The following EFCAB6 variants were observed in gnomAD, a reference collection of about 807,000 sequenced individuals.
The protein encoded by EFCAB6 is EF-hand calcium binding domain 6, also known as EF-hand calcium-binding domain-containing protein 6.
In EFCAB6, 156 loss-of-function variants were observed where a neutral mutation model predicts 169.8. That is an observed-to-expected ratio of 0.92 (90% CI 0.81 to 1.05). The LOEUF is 1.05. Ranked by LOEUF, EFCAB6 falls within the 50% of genes least tolerant of loss-of-function variation. The pLI, the probability that EFCAB6 is intolerant of heterozygous loss-of-function variation, is 0.00. For missense variants in EFCAB6, 1,800 were observed against 1,829.1 expected, an observed-to-expected ratio of 0.98 and a Z score of 0.29; for synonymous variants, 698 against 676.4, an observed-to-expected ratio of 1.03 and a Z score of -0.50.
chr22:43,671,921 A>T, intron 15 of EFCAB6, 52 bp downstream of exon 15: 4 of 1,431,276 alleles, frequency 2.8e-6, no homozygotes, highest in Non-Finnish European at 3.9e-6. Context: ...GAATTATGGA[A>T]CAGGCCTGAT....
chr22:43,776,906 G>T (rs1032647515), intron 3 of EFCAB6, among the ~76,000 whole-genome samples: 2 of 152,154 alleles, frequency 1.3e-5, no homozygotes, highest in African/African-American at 4.8e-5. Context: ...ATGTGTTCTG[G>T]CTGCTATGTA....
In EFCAB6 at chr22:43,671,972, C is replaced by T. The variant is rs754525579; in HGVS notation, c.1640+1G>A. ...AATTAATTTTGTTACAAAAAACTTA[C>T]TTTATGAAATGTGCATTCGTTAAAA... On this transcript the variant is annotated splice_donor_variant, in intron 15 of 31. Coordinates refer to ENST00000262726, the MANE Select transcript of EFCAB6 (RefSeq NM_022785.4). LOFTEE classifies it high-confidence loss of function. The T allele has an allele frequency of 3.1e-6, 5 of 1,611,226 alleles. No homozygotes were observed. Among genetic ancestry groups the T allele is most frequent in the Non-Finnish European group, 4.2e-6 (5 of 1,179,260 alleles).
chr22:43,677,856 C>T (rs2057832480), intron 13 of EFCAB6, 140 bp downstream of exon 13: 3 of 819,072 alleles, frequency 3.7e-6, no homozygotes, highest in African/African-American at 1.7e-5. Context: ...AAACACTTGA[C>T]CCTCACTTAA....
intron 17 of EFCAB6, among the ~76,000 whole-genome samples, chr22:43,654,504 G>A (rs750569361): frequency 2.0e-5 from 3 of 152,258 alleles, no homozygotes; most frequent in Admixed American, 2.0e-4. Context: ...AAGGGCACCC[G>A]CCTCTGCGGT....
At chr22:43,804,961 T>C (rs1603393095) in intron 2 of EFCAB6, among the ~76,000 whole-genome samples, 2 of 152,130 alleles carry the variant, frequency 1.3e-5, no homozygotes, top group Non-Finnish European at 2.9e-5. Flanking sequence ...TGATCTTATA[T>C]TTAGAAAAAA....
chr22:43,728,755 GGTT>G (rs1012053526), intron 8 of EFCAB6, among the ~76,000 whole-genome samples: 17 of 151,992 alleles, frequency 1.1e-4, no homozygotes, highest in African/African-American at 4.1e-4. Context: ...TTTTTGATGG[GGTT>G]GTTTTCTTCT....
chr22:43,671,014 C>G (rs1377110129), intron 15 of EFCAB6, among the ~76,000 whole-genome samples: 2 of 152,188 alleles, frequency 1.3e-5, no homozygotes, highest in Admixed American at 6.5e-5. Flanking sequence ...GAAATAGAGG[C>G]TCAGAGAGGT....
At chr22:43,787,125 C>G (rs1323793234) in intron 2 of EFCAB6, among the ~76,000 whole-genome samples, 1 of 152,022 alleles carries the variant, frequency 6.6e-6, no homozygotes. Flanking sequence ...TGGTGAATGA[C>G]CAAAAGTTTT....
chr22:43,770,018 C>G (rs2061421844), intron 4 of EFCAB6, among the ~76,000 whole-genome samples: 1 of 152,084 alleles, frequency 6.6e-6, no homozygotes, highest in Admixed American at 6.5e-5. Context: ...CCATGTCCAT[C>G]TAATTTTTTT....
intron 26 of EFCAB6, among the ~76,000 whole-genome samples, chr22:43,556,571 C>T (rs972595774): frequency 6.6e-6 from 1 of 152,318 alleles, no homozygotes; most frequent in South Asian, 2.1e-4. Context: ...AACCCCTCAA[C>T]TCCTATTAAA....
chr22:43,716,975 G>C lies in EFCAB6; in HGVS notation c.758-3C>G, dbSNP rs2059353239. ...TTGTTGATTCTCCAACGAGACCTCT[G>C]TTGAAACAAAATAGCTTCGGCTTAT... On this transcript the variant is annotated splice_region_variant and splice_polypyrimidine_tract_variant and intron_variant, in intron 8 of 31. Transcript: ENST00000262726. 1.3e-6 allele frequency: 2 copies of C among 1,514,928 alleles called. No individual in the cohort carries two copies. 93.8% of individuals were successfully genotyped at this position (1,514,928 alleles called of 1,614,324 possible). A position where few individuals can be genotyped will look rare whatever the true frequency, so the allele number is the denominator to read the frequency against.
intron 26 of EFCAB6, among the ~76,000 whole-genome samples, chr22:43,560,492 T>C (rs545462753): frequency 6.6e-6 from 1 of 152,236 alleles, no homozygotes; most frequent in East Asian, 1.9e-4. Context: ...ATAAAAGTGT[T>C]AGAGAACAGT....
intron 6 of EFCAB6, among the ~76,000 whole-genome samples, chr22:43,739,263 C>T (rs2060279572): frequency 2.6e-5 from 4 of 152,254 alleles, no homozygotes; most frequent in Admixed American, 2.6e-4. Context: ...TCCCAGCAGC[C>T]GCCTTTGACA....
At chr22:43,749,953 G>C (rs544373425) in intron 6 of EFCAB6, among the ~76,000 whole-genome samples, 5 of 152,232 alleles carry the variant, frequency 3.3e-5, no homozygotes, top group African/African-American at 1.2e-4. Context: ...TCTCGAAAGA[G>C]GCAAGACTAG....
chr22:43,760,086 C>A (rs775376839), intron 5 of EFCAB6, among the ~76,000 whole-genome samples: 7 of 151,868 alleles, frequency 4.6e-5, no homozygotes, highest in Non-Finnish European at 1.0e-4. Flanking sequence ...CACCTGTAAT[C>A]CCAGCTACTT....
chr22:43,665,040 G>C lies in EFCAB6; in HGVS notation c.1983+2064C>G, dbSNP rs150378974. Among the ~76,000 whole-genome samples, 1,140 of 152,270 alleles carry C rather than the reference G, an allele frequency of 7.5e-3. 2 individuals carry two copies. Among genetic ancestry groups the C allele is most frequent in the Non-Finnish European group, 0.012 (791 of 68,026 alleles). ...GTTGGTGAATTGGATGTGGGTACAAGAGGAAGAGGAGACTCAGTAAAGATG... is the reference window on the plus strand; with the variant it reads ...GTTGGTGAATTGGATGTGGGTACAACAGGAAGAGGAGACTCAGTAAAGATG... On this transcript the variant is annotated intron_variant, in intron 17 of 31. Coordinates refer to ENST00000262726, the MANE Select transcript of EFCAB6 (RefSeq NM_022785.4).
chr22:43,772,581 C>T (rs1455419710), intron 4 of EFCAB6, among the ~76,000 whole-genome samples: 2 of 148,012 alleles, frequency 1.4e-5, no homozygotes, highest in South Asian at 2.1e-4. Flanking sequence ...GCGGAGGTTG[C>T]GGTGAGCCAA....
At chr22:43,775,110 G>T (rs1016333384) in intron 3 of EFCAB6, among the ~76,000 whole-genome samples, 7 of 151,994 alleles carry the variant, frequency 4.6e-5, no homozygotes, top group Non-Finnish European at 1.5e-5. Context: ...GGTCAAGCGG[G>T]GAGGTCTACA....
intron 8 of EFCAB6, among the ~76,000 whole-genome samples, chr22:43,720,797 T>C (rs1357973662): frequency 6.6e-6 from 1 of 151,864 alleles, no homozygotes; most frequent in Non-Finnish European, 1.5e-5. Context: ...TATGAATCAC[T>C]GAGAAGAAAA....
Sources: gnomAD v4.1 joint callset for allele counts (sites outside exome capture counted in the v4.1 genomes callset) on GRCh38, gnomAD v4.1.1 for gene constraint, MANE v1.5 for transcripts, NCBI Gene and HGNC (gene_info 2026-07-23, HGNC 2026-07-21) for gene names.